Variants in CPHXL2 observed in about 807,000 individuals in gnomAD.
CPHXL2 encodes cytoplasmic polyadenylated homeobox like 2, also known as cytoplasmic polyadenylated homeobox-like protein 2.
At chr16:75,668,977 A>G in the CPHXL2 span, among the ~76,000 whole-genome samples, 2 of 152,064 alleles carry the variant, frequency 1.3e-5, no homozygotes, top group African/African-American at 2.4e-5. Flanking sequence ...CTTTTTATCT[A>G]ATCTTCTGGC....
At chr16:75,673,439 A>G in the CPHXL2 span, among the ~76,000 whole-genome samples, 1 of 150,504 alleles carries the variant, frequency 6.6e-6, no homozygotes, top group Non-Finnish European at 1.5e-5. Context: ...GATTACAGGC[A>G]TGTAATCCTG....
At chr16:75,673,574 C>A in the CPHXL2 span, among the ~76,000 whole-genome samples, 115 of 152,178 alleles carry the variant, frequency 7.6e-4, 1 homozygote, top group East Asian at 3.9e-3. Context: ...CCCTTAGTAA[C>A]CAGCACACCT....
chr16:75,670,775 G>A, the CPHXL2 span, among the ~76,000 whole-genome samples: 1 of 152,164 alleles, frequency 6.6e-6, no homozygotes, highest in Admixed American at 6.5e-5. Context: ...AGGATTACAG[G>A]CATGAGCCAC....
chr16:75,665,881 A>C, the CPHXL2 span, among the ~76,000 whole-genome samples: 1 of 152,118 alleles, frequency 6.6e-6, no homozygotes, highest in Non-Finnish European at 1.5e-5. Flanking sequence ...CCAACCAACC[A>C]AGGTATACAG....
the CPHXL2 span, among the ~76,000 whole-genome samples, chr16:75,676,392 T>C: frequency 6.6e-6 from 1 of 152,184 alleles, no homozygotes; most frequent in Non-Finnish European, 1.5e-5. Flanking sequence ...GGCATGATCA[T>C]AGCTTATGGC....
the CPHXL2 span, among the ~76,000 whole-genome samples, chr16:75,674,063 T>C: frequency 6.7e-6 from 1 of 150,150 alleles, no homozygotes; most frequent in African/African-American, 2.4e-5. Context: ...TGAATAACTT[T>C]AACAAAAGAA....
At chr16:75,672,047 G>A in the CPHXL2 span, among the ~76,000 whole-genome samples, 2 of 151,462 alleles carry the variant, frequency 1.3e-5, no homozygotes, top group African/African-American at 2.4e-5. Flanking sequence ...TGAGGTGGGC[G>A]GATGACTTGA....
chr16:75,668,712 A>C, the CPHXL2 span, among the ~76,000 whole-genome samples: 1 of 152,176 alleles, frequency 6.6e-6, no homozygotes, highest in South Asian at 2.1e-4. Flanking sequence ...AATATAACAC[A>C]AATGCTACAT....
At chr16:75,676,103 A>C in the CPHXL2 span, among the ~76,000 whole-genome samples, 1 of 152,048 alleles carries the variant, frequency 6.6e-6, no homozygotes, top group South Asian at 2.1e-4. Flanking sequence ...AAAAATACAA[A>C]ACACACAGTG....
At chr16:75,668,578 G>C in the CPHXL2 span, among the ~76,000 whole-genome samples, 1 of 152,082 alleles carries the variant, frequency 6.6e-6, no homozygotes, top group East Asian at 1.9e-4. Flanking sequence ...AATTGGTTCT[G>C]GATACCAAGA....
the CPHXL2 span, chr16:75,660,598 A>G: frequency 3.0e-5 from 12 of 398,478 alleles, no homozygotes; most frequent in Non-Finnish European, 8.8e-6. Context: ...TGTGGGTGAT[A>G]CTGCCAATCA....
chr16:75,676,502 T>G, the CPHXL2 span, among the ~76,000 whole-genome samples: 1 of 151,892 alleles, frequency 6.6e-6, no homozygotes, highest in African/African-American at 2.4e-5. Flanking sequence ...TTATTTCTTT[T>G]GTAGAAATAG....
chr16:75,673,345 A>G, the CPHXL2 span, among the ~76,000 whole-genome samples: 1 of 151,036 alleles, frequency 6.6e-6, no homozygotes, highest in Non-Finnish European at 1.5e-5. Flanking sequence ...TGAGGTGGGA[A>G]GTTTCCTTTA....
At chr16:75,663,593 CAT>C in the CPHXL2 span, among the ~76,000 whole-genome samples, 1 of 152,062 alleles carries the variant, frequency 6.6e-6, no homozygotes, top group African/African-American at 2.4e-5. Flanking sequence ...TGATAAGAAA[CAT>C]AGAACAAGGT....
the CPHXL2 span, among the ~76,000 whole-genome samples, chr16:75,663,885 CAAAAAA>C: frequency 5.6e-4 from 48 of 85,512 alleles, no homozygotes; most frequent in African/African-American, 2.0e-3. Flanking sequence ...GACTCTGTCT[CAAAAAA>C]AAAAAAAAAA....
the CPHXL2 span, among the ~76,000 whole-genome samples, chr16:75,666,832 C>G: frequency 6.6e-6 from 1 of 151,942 alleles, no homozygotes; most frequent in African/African-American, 2.4e-5. Flanking sequence ...TGATAGGTCA[C>G]AAAACAAGTC....
At chr16:75,670,712 A>C in the CPHXL2 span, among the ~76,000 whole-genome samples, 1 of 151,906 alleles carries the variant, frequency 6.6e-6, no homozygotes, top group African/African-American at 2.4e-5. Context: ...GCCAAGGCTG[A>C]TCTCCAACTC....
At chr16:75,670,062 C>T in the CPHXL2 span, among the ~76,000 whole-genome samples, 2 of 152,194 alleles carry the variant, frequency 1.3e-5, no homozygotes, top group Middle Eastern at 3.4e-3. Context: ...TTACAGGCAC[C>T]TGCCACTACG....
At chr16:75,660,574 G>C in the CPHXL2 span, 1 of 398,502 alleles carries the variant, frequency 2.5e-6, no homozygotes, top group Non-Finnish European at 4.4e-6. Context: ...TAATTCTGAG[G>C]CTGTTGGTGC....
Sources: allele counts gnomAD v4.1 joint callset (sites outside exome capture counted in the v4.1 genomes callset), GRCh38; gene constraint gnomAD v4.1.1; transcripts MANE v1.5; gene names NCBI Gene and HGNC (gene_info 2026-07-23, HGNC 2026-07-21).